The following IGFBP7 variants were observed in gnomAD, a reference collection of about 807,000 sequenced individuals.
IGFBP7 encodes insulin-like growth factor-binding protein 7.
IGFBP7 carries 31 observed loss-of-function variants against 29.4 expected under a neutral mutation model. The ratio of observed to expected loss-of-function variants is 1.05; its 90% CI spans 0.79 to 1.42. IGFBP7 has a LOEUF of 1.42. Among genes scored for constraint, IGFBP7 ranks in the 40% most tolerant of loss-of-function variants. The probability of loss-of-function intolerance (pLI) is 0.00; values close to 1 mark genes in which losing one functional copy is unlikely to be tolerated. For missense variants in IGFBP7, 393 were observed against 395.5 expected (o/e 0.99, Z 0.05); for synonymous variants, 172 against 174.9 (o/e 0.98, Z 0.13).
intron 1 of IGFBP7, among the ~76,000 whole-genome samples, chr4:57,100,709 G>T (rs568356203): frequency 6.6e-6 from 1 of 152,322 alleles, no homozygotes; most frequent in South Asian, 2.1e-4. Context: ...CCAAGGGTTT[G>T]ACTCTTCTGA....
intron 1 of IGFBP7, among the ~76,000 whole-genome samples, chr4:57,046,357 C>T (rs1724361807): frequency 6.6e-6 from 1 of 152,098 alleles, no homozygotes; most frequent in Non-Finnish European, 1.5e-5. Context: ...GCACTGTACT[C>T]AATGACTCTG....
rs1265295268 is a variant in IGFBP7, at chr4:57,032,637, TTCCTAA to T, written c.703-91_703-86del. ...CCAGTGAGGTCATTATTTCATAAAT[TTCCTAA>T]GATGACCAGGGGATTCATAGCAAAG... is the stretch of plus-strand genomic sequence containing the variant. On this transcript the variant is annotated intron_variant, in intron 3 of 4. Transcript: ENST00000295666. 5 of 1,098,464 alleles carry T rather than the reference TTCCTAA, an allele frequency of 4.6e-6. No individual in the cohort carries two copies. The African/African-American group carries it at 7.7e-5, about 17-fold the overall frequency. The allele number at this position is 1,098,464 out of a possible 1,614,324, so 68.0% of individuals were successfully genotyped here.
Position 57,110,375 on chromosome 4 carries a change from A to T in IGFBP7, c.-24T>A, listed in dbSNP as rs985132797. On this transcript the variant is annotated 5_prime_UTR_variant, in exon 1 of 5. In the 5' UTR this introduces an upstream ATG that the reference lacks. Transcript: ENST00000295666. ...ATGGCGGGGTGCGGTGGCAGCGGCAAGGGCGCGAGTGAGCCGTGTCGGGCC... is the reference window on the plus strand; with the variant it reads ...ATGGCGGGGTGCGGTGGCAGCGGCATGGGCGCGAGTGAGCCGTGTCGGGCC... 3 of 1,317,408 alleles carry T rather than the reference A, an allele frequency of 2.3e-6. No individual in the cohort carries two copies. The highest frequency in any genetic ancestry group is 2.9e-6 in the Non-Finnish European group (3 of 1,035,232). 81.6% of individuals were successfully genotyped at this position (1,317,408 alleles called of 1,614,324 possible). A position where few individuals can be genotyped will look rare whatever the true frequency, so the allele number is the denominator to read the frequency against.
intron 1 of IGFBP7, among the ~76,000 whole-genome samples, chr4:57,100,479 A>G (rs966727147): frequency 2.6e-5 from 4 of 152,240 alleles, no homozygotes; most frequent in Admixed American, 2.6e-4. Context: ...TGAATATAAT[A>G]TGACATTTTT....
intron 2 of IGFBP7, among the ~76,000 whole-genome samples, chr4:57,035,546 C>T (rs1359987893): frequency 1.3e-5 from 2 of 152,286 alleles, no homozygotes; most frequent in Middle Eastern, 3.4e-3. Context: ...CCTCTGCCTC[C>T]GCCTCCGGGA....
At chr4:57,103,165 G>T (rs778642949) in intron 1 of IGFBP7, among the ~76,000 whole-genome samples, 3 of 152,142 alleles carry the variant, frequency 2.0e-5, no homozygotes, top group Non-Finnish European at 2.9e-5. Flanking sequence ...AGGAGTGTAG[G>T]CATCTGTTGT....
intron 1 of IGFBP7, among the ~76,000 whole-genome samples, chr4:57,080,945 A>G (rs10019698): frequency 0.31 from 46,462 of 151,992 alleles, 8,648 homozygotes; most frequent in African/African-American, 0.52. Flanking sequence ...CCGCTCATCA[A>G]TCTCTCCTCC....
chr4:57,110,142 C>A lies in IGFBP7; in HGVS notation c.210G>T (p.Pro70=). The A allele has an allele frequency of 9.4e-6, 14 of 1,485,428 alleles. No homozygotes were observed. The highest frequency in any genetic ancestry group is 1.2e-5 in the Non-Finnish European group (14 of 1,125,432). 92.0% of individuals were successfully genotyped at this position (1,485,428 alleles called of 1,614,324 possible). A position where few individuals can be genotyped will look rare whatever the true frequency, so the allele number is the denominator to read the frequency against. ...CPMCARGEGE[P]CGGGGAGRGY... is the part of the protein sequence containing the mutation. ...CCCTGCCGGCGCCGCCACCCCCGCA[C>A]GGCTCGCCCTCGCCGCGGGCGCACA... The change falls in exon 1 of 5, where the codon CCG becomes CCT. Residue 70 remains proline, a synonymous_variant. Transcript: ENST00000295666.
chr4:57,054,207 T>C (rs1724583834), intron 1 of IGFBP7, among the ~76,000 whole-genome samples: 1 of 151,648 alleles, frequency 6.6e-6, no homozygotes, highest in African/African-American at 2.4e-5. Flanking sequence ...ACTAACCCAG[T>C]GCCTGGTATC....
At chr4:57,094,079 AC>A (rs1725700286) in intron 1 of IGFBP7, among the ~76,000 whole-genome samples, 2 of 152,018 alleles carry the variant, frequency 1.3e-5, no homozygotes, top group Admixed American at 1.3e-4. Flanking sequence ...ATTGAGTCTA[AC>A]TCCCTCTTCT....
intron 1 of IGFBP7, among the ~76,000 whole-genome samples, chr4:57,066,398 T>A (rs1307205501): frequency 2.6e-5 from 4 of 152,166 alleles, no homozygotes; most frequent in Non-Finnish European, 5.9e-5. Flanking sequence ...ACATACTGAC[T>A]GCAGCCTCAG....
intron 1 of IGFBP7, among the ~76,000 whole-genome samples, chr4:57,100,699 C>A (rs1004642311): frequency 6.6e-6 from 1 of 152,084 alleles, no homozygotes; most frequent in African/African-American, 2.4e-5. Flanking sequence ...TTTTTCACAC[C>A]CAAGGGTTTG....
intron 1 of IGFBP7, among the ~76,000 whole-genome samples, chr4:57,057,863 G>A (rs1171388154): frequency 1.3e-5 from 2 of 152,194 alleles, no homozygotes; most frequent in Admixed American, 1.3e-4. Flanking sequence ...CTTGGGAAAG[G>A]GTTATGGTCT....
intron 1 of IGFBP7, chr4:57,073,143 C>G: frequency 6.3e-7 from 1 of 1,592,250 alleles, no homozygotes; most frequent in African/African-American, 1.3e-5. Flanking sequence ...CCCAGGCTGC[C>G]CAGCCTGTCC....
intron 1 of IGFBP7, among the ~76,000 whole-genome samples, chr4:57,078,124 C>T (rs1444788980): frequency 6.6e-6 from 1 of 152,116 alleles, no homozygotes. Context: ...GCACCACCCA[C>T]CCCACCCAAC....
chr4:57,105,601 T>C (rs1213188581), intron 1 of IGFBP7, among the ~76,000 whole-genome samples: 1 of 152,226 alleles, frequency 6.6e-6, no homozygotes, highest in Admixed American at 6.5e-5. Flanking sequence ...ATAATCCCTG[T>C]CTTATAAGTG....
intron 1 of IGFBP7, among the ~76,000 whole-genome samples, chr4:57,054,637 CACAAAAAAAAAAA>C (rs1724600698): frequency 1.1e-4 from 14 of 125,880 alleles, no homozygotes; most frequent in Non-Finnish European, 1.2e-4. Flanking sequence ...GGCTCTCTCT[CACAAAAAAAAAAA>C]AAAAAAAAAA....
chr4:57,098,198 G>A (rs1725807251), intron 1 of IGFBP7, among the ~76,000 whole-genome samples: 1 of 151,454 alleles, frequency 6.6e-6, no homozygotes, highest in Admixed American at 6.6e-5. Context: ...CATAAATCTG[G>A]GGACGGAGTT....
At chr4:57,044,986 G>A (rs2109748315) in intron 1 of IGFBP7, among the ~76,000 whole-genome samples, 1 of 152,224 alleles carries the variant, frequency 6.6e-6, no homozygotes, top group Middle Eastern at 3.4e-3. Context: ...CTGGGATTAT[G>A]GGTGTTAGCA....
Sources: gnomAD v4.1 joint callset for allele counts (sites outside exome capture counted in the v4.1 genomes callset) on GRCh38, gnomAD v4.1.1 for gene constraint, MANE v1.5 for transcripts, NCBI Gene and HGNC (gene_info 2026-07-23, HGNC 2026-07-21) for gene names.